Variants in NPAS3 observed in about 807,000 individuals in gnomAD.
NPAS3 encodes the protein neuronal PAS domain-containing protein 3.
A neutral mutation model predicts 73.1 loss-of-function variants in NPAS3; 14 were observed. The ratio of observed to expected loss-of-function variants is 0.19; its 90% confidence interval spans 0.13 to 0.30. The LOEUF is 0.30. Ranked by LOEUF, NPAS3 falls within the 10% of genes least tolerant of loss-of-function variation. NPAS3 has a pLI of 1.00. For missense variants in NPAS3, 1,096 were observed against 1,250.0 expected (o/e 0.88, Z 1.86); for synonymous variants, 620 against 541.5 (o/e 1.14, Z -2.01).
chr14:33,242,583 G>A (rs889733943), intron 3 of NPAS3, among the ~76,000 whole-genome samples: 4 of 152,088 alleles, frequency 2.6e-5, no homozygotes, highest in African/African-American at 9.7e-5. Context: ...AAAGATTAGA[G>A]AAGGTAAGCG....
chr14:33,354,331 C>A (rs1460589072), intron 3 of NPAS3, among the ~76,000 whole-genome samples: 2 of 152,146 alleles, frequency 1.3e-5, no homozygotes, highest in African/African-American at 4.8e-5. Flanking sequence ...CTTCAGGGCT[C>A]TCCCATGACA....
chr14:33,360,029 G>A (rs1385337334), intron 3 of NPAS3, among the ~76,000 whole-genome samples: 7 of 152,216 alleles, frequency 4.6e-5, no homozygotes, highest in South Asian at 2.1e-4. Flanking sequence ...CTTGGAGCCT[G>A]GACAGGGATC....
At chr14:33,689,750 G>GT (rs2060184114) in intron 6 of NPAS3, among the ~76,000 whole-genome samples, 1 of 152,078 alleles carries the variant, frequency 6.6e-6, no homozygotes, top group Admixed American at 6.5e-5. Flanking sequence ...GCAGATTCAC[G>GT]TTTTTTGTAT....
intron 5 of NPAS3, among the ~76,000 whole-genome samples, chr14:33,670,950 G>T (rs558723819): frequency 2.1e-5 from 3 of 143,736 alleles, no homozygotes; most frequent in Admixed American, 7.4e-5. Context: ...CCTTACAAAA[G>T]CTTTATGACA....
intron 4 of NPAS3, among the ~76,000 whole-genome samples, chr14:33,372,927 A>G (rs567611927): frequency 6.6e-6 from 1 of 152,306 alleles, no homozygotes; most frequent in Non-Finnish European, 1.5e-5. Flanking sequence ...TGCTGCTTTC[A>G]ACGTTCTCTT....
intron 5 of NPAS3, among the ~76,000 whole-genome samples, chr14:33,667,810 C>T (rs566151276): frequency 8.5e-5 from 13 of 152,242 alleles, no homozygotes; most frequent in African/African-American, 3.1e-4. Flanking sequence ...TTCTTGTTCT[C>T]CTAGTGGATT....
chr14:33,738,473 G>A (rs2061578074), intron 7 of NPAS3, among the ~76,000 whole-genome samples: 1 of 152,124 alleles, frequency 6.6e-6, no homozygotes, highest in Non-Finnish European at 1.5e-5. Context: ...TCGGTGCTTG[G>A]TGATCCCAAT....
chr14:33,269,803 G>T (rs1157834492), intron 3 of NPAS3, among the ~76,000 whole-genome samples: 1 of 151,970 alleles, frequency 6.6e-6, no homozygotes. Flanking sequence ...GTCCTAATAG[G>T]GAAGCAGGGA....
chr14:33,385,245 G>C (rs149517841), intron 4 of NPAS3, among the ~76,000 whole-genome samples: 3 of 151,622 alleles, frequency 2.0e-5, no homozygotes, highest in Non-Finnish European at 2.9e-5. Context: ...TGCCTTTTTG[G>C]GGGGTAGGTG....
intron 7 of NPAS3, among the ~76,000 whole-genome samples, chr14:33,774,130 T>G (rs780974161): frequency 3.9e-5 from 6 of 152,224 alleles, no homozygotes; most frequent in Non-Finnish European, 7.3e-5. Flanking sequence ...GAATGCTGCC[T>G]TGAGGAACGC....
intron 5 of NPAS3, among the ~76,000 whole-genome samples, chr14:33,586,175 CTT>C (rs1262853975): frequency 6.9e-6 from 1 of 144,162 alleles, no homozygotes; most frequent in Non-Finnish European, 1.5e-5. Context: ...GTTTTCTTCT[CTT>C]AAAAATATGT....
intron 10 of NPAS3, 66 bp from the exon 11 acceptor site, chr14:33,797,391 A>G: frequency 6.4e-7 from 1 of 1,555,236 alleles, no homozygotes; most frequent in Non-Finnish European, 8.8e-7. Flanking sequence ...AGTGGGGGAG[A>G]AGATGGTCCA....
intron 3 of NPAS3, among the ~76,000 whole-genome samples, chr14:33,328,829 A>G (rs1426018916): frequency 6.6e-6 from 1 of 151,896 alleles, no homozygotes; most frequent in Non-Finnish European, 1.5e-5. Context: ...GTTTCCTGAA[A>G]TTTGTATTTA....
intron 6 of NPAS3, among the ~76,000 whole-genome samples, chr14:33,712,198 T>G (rs1358584902): frequency 3.3e-5 from 5 of 152,142 alleles, no homozygotes; most frequent in Middle Eastern, 3.2e-3. Flanking sequence ...CCTGGTGGTT[T>G]TGCAACCAGA....
chr14:32,937,268 G>T (rs1378781833), upstream of NPAS3, among the ~76,000 whole-genome samples: 1 of 152,090 alleles, frequency 6.6e-6, no homozygotes, highest in Admixed American at 6.5e-5. Flanking sequence ...ATCTGGATTT[G>T]TTTGTTAAGT....
At chr14:33,360,561 A>G (rs2045551298) in intron 3 of NPAS3, among the ~76,000 whole-genome samples, 1 of 152,228 alleles carries the variant, frequency 6.6e-6, no homozygotes, top group African/African-American at 2.4e-5. Context: ...TGTGACATCA[A>G]GTGGTTGAAC....
chr14:33,735,509 C>T (rs370555240), intron 7 of NPAS3, among the ~76,000 whole-genome samples, 177 bp downstream of exon 7: 3 of 152,074 alleles, frequency 2.0e-5, no homozygotes, highest in African/African-American at 7.2e-5. Context: ...CTCTCCTTCT[C>T]ACTTCAGACA....
chr14:33,448,401 T>A (rs184197314), intron 4 of NPAS3, among the ~76,000 whole-genome samples: 1 of 152,308 alleles, frequency 6.6e-6, no homozygotes, highest in Admixed American at 6.5e-5. Flanking sequence ...AAGAGAGTAG[T>A]GAAGATTGGA....
chr14:33,006,768 G>A (rs921473430), intron 1 of NPAS3, among the ~76,000 whole-genome samples: 1 of 152,112 alleles, frequency 6.6e-6, no homozygotes, highest in Non-Finnish European at 1.5e-5. Context: ...GTTTCATAAT[G>A]AGAAATGTTG....
Sources: allele counts gnomAD v4.1 joint callset (sites outside exome capture counted in the v4.1 genomes callset), GRCh38; gene constraint gnomAD v4.1.1; transcripts MANE v1.5; gene names NCBI Gene and HGNC (gene_info 2026-07-23, HGNC 2026-07-21).